Variants in CCDC110 observed in about 807,000 individuals in gnomAD.
CCDC110 encodes the protein coiled-coil domain-containing protein 110.
Under a neutral mutation model 77.1 loss-of-function variants are expected in CCDC110, and 70 were observed. That is an observed-to-expected ratio of 0.91 (90% confidence interval 0.75 to 1.11). The LOEUF (loss-of-function observed/expected upper bound fraction) is 1.11. Among genes scored for constraint, CCDC110 ranks in the 50% least tolerant of loss-of-function variants. The pLI is 0.00. For missense variants in CCDC110, 868 were observed against 942.9 expected (o/e 0.92, Z 1.04); for synonymous variants, 295 against 312.5 (o/e 0.94, Z 0.59).
intron 6 of CCDC110, chr4:185,449,826 A>G: frequency 4.6e-6 from 2 of 437,734 alleles, no homozygotes; most frequent in Non-Finnish European, 8.3e-6. Flanking sequence ...TTTGCTAATA[A>G]CACGTGGTTG....
chr4:185,458,992 A>T lies in CCDC110; in HGVS notation c.1595T>A (p.Leu532His). The T allele has an allele frequency of 6.2e-7, 1 of 1,602,478 alleles. No homozygotes were observed. The highest frequency in any genetic ancestry group is 8.5e-7 in the Non-Finnish European group (1 of 1,177,034). Residue 532 changes from leucine (L) to histidine (H), a missense_variant, in exon 6 of 7, where the codon CTT becomes CAT. Transcript: ENST00000307588. The stretch of plus-strand genomic sequence containing the variant: ...CATCATTTGTTGCTTCTCTAAAGAA[A>T]GTTGTATATTTTTTTCCTCTAGAGT... ...NKTLEEKNIQLSLEKQQMMEA... is the reference protein window; with the variant it reads ...NKTLEEKNIQHSLEKQQMMEA...
chr4:185,470,413 G>C (rs1375598287), intron 2 of CCDC110, among the ~76,000 whole-genome samples: 1 of 152,076 alleles, frequency 6.6e-6, no homozygotes, highest in Non-Finnish European at 1.5e-5. Context: ...CTGTTATACT[G>C]TTCAAAATTT....
intron 2 of CCDC110, among the ~76,000 whole-genome samples, chr4:185,469,443 A>G (rs2095661851): frequency 6.6e-6 from 1 of 152,040 alleles, no homozygotes; most frequent in South Asian, 2.1e-4. Flanking sequence ...AAATGTTGGC[A>G]TCTTTCTCCA....
intron 2 of CCDC110, among the ~76,000 whole-genome samples, chr4:185,467,406 C>T (rs551678644): frequency 6.6e-6 from 1 of 152,256 alleles, no homozygotes; most frequent in South Asian, 2.1e-4. Context: ...TTACGTGATT[C>T]TAGAATTGGA....
chr4:185,460,324 T>A, intron 5 of CCDC110, 86 bp from the exon 6 acceptor site: 1 of 945,880 alleles, frequency 1.1e-6, no homozygotes, highest in Non-Finnish European at 1.5e-6. Context: ...GAGGGTTTAT[T>A]TATGTACCCT....
chr4:185,452,174 T>A, intron 6 of CCDC110: 1 of 983,520 alleles, frequency 1.0e-6, no homozygotes, highest in African/African-American at 1.7e-5. Context: ...AACAGTTTTA[T>A]TCCTCAGACT....
At position 185,463,002 on chromosome 4, in the gene CCDC110, CT is replaced by C. The variant is rs2095649171; in HGVS notation, c.162del (p.Ala55HisfsTer2). 5 of 1,613,142 alleles carry C rather than the reference CT, an allele frequency of 3.1e-6. No homozygotes were observed. In the South Asian group the frequency reaches 4.4e-5, roughly 14 times the overall value. On this transcript the variant is annotated frameshift_variant, in exon 3 of 7. Transcript: ENST00000307588. LOFTEE classifies it high-confidence loss of function. ...ATGGAATATAGACTCACTTTCAATG[CT>C]GATTGTGGTTGGATTTGATTTTCTG... The part of the protein sequence containing the change: ...AESENQIQPQ[S>X]ALKVLQQQLE...
At chr4:185,453,813 ATTT>A (rs58603614) in intron 6 of CCDC110, among the ~76,000 whole-genome samples, 8 of 126,216 alleles carry the variant, frequency 6.3e-5, no homozygotes, top group Non-Finnish European at 6.7e-5. Flanking sequence ...TCTCGTTGCT[ATTT>A]TTTTTTTTTT....
At chr4:185,456,122 A>G (rs965066246) in intron 6 of CCDC110, among the ~76,000 whole-genome samples, 1 of 142,254 alleles carries the variant, frequency 7.0e-6, no homozygotes, top group East Asian at 2.1e-4. Flanking sequence ...TCTGGGCAAT[A>G]AAACAAGTCT....
intron 6 of CCDC110, among the ~76,000 whole-genome samples, chr4:185,446,042 T>G (rs974558524): frequency 5.9e-5 from 9 of 152,186 alleles, no homozygotes; most frequent in African/African-American, 2.2e-4. Flanking sequence ...AGTTTCTCCA[T>G]GTTGGTAAGG....
chr4:185,450,321 T>C (rs2095626961), intron 6 of CCDC110, among the ~76,000 whole-genome samples: 1 of 152,214 alleles, frequency 6.6e-6, no homozygotes. Context: ...GATAGATGGA[T>C]GAAGTCAGTC....
intron 6 of CCDC110, among the ~76,000 whole-genome samples, chr4:185,446,352 A>C (rs767436394): frequency 3.1e-4 from 47 of 152,240 alleles, no homozygotes; most frequent in Middle Eastern, 3.4e-3. Context: ...CTGTCTTAAA[A>C]CTTTGATAAT....
intron 2 of CCDC110, among the ~76,000 whole-genome samples, chr4:185,465,228 C>A (rs1232207994): frequency 6.6e-6 from 1 of 152,190 alleles, no homozygotes; most frequent in Non-Finnish European, 1.5e-5. Context: ...CTTCCCATAC[C>A]TACAGGAATA....
chr4:185,448,281 AAAGTGCTGGGATT>A (rs753356619), intron 6 of CCDC110, among the ~76,000 whole-genome samples: 361 of 152,262 alleles, frequency 2.4e-3, no homozygotes, highest in Admixed American at 4.4e-3. Flanking sequence ...TCAGCCTCCC[AAAGTGCTGGGATT>A]AAGTGCTGGG....
chr4:185,457,764 G>T, intron 6 of CCDC110: 1 of 1,413,402 alleles, frequency 7.1e-7, no homozygotes, highest in Non-Finnish European at 9.3e-7. Flanking sequence ...GATTTTAGCA[G>T]TTTATTTATA....
intron 6 of CCDC110, 50 bp from the exon 7 acceptor site, chr4:185,445,592 T>C: frequency 2.6e-6 from 3 of 1,156,878 alleles, no homozygotes; most frequent in Non-Finnish European, 3.8e-6. Context: ...AACATAACTA[T>C]AATGCTTTGA....
chr4:185,445,542 C>T lies in CCDC110; in HGVS notation c.2462G>A (p.Gly821Asp), dbSNP rs2095608171. 1 of 1,543,818 alleles carries T rather than the reference C, an allele frequency of 6.5e-7. No individual in the cohort carries two copies. ...AGTTCTGTCTTTAACTTTGAAATAA[C>T]CTATGAAAATAGAAAATATTCTGGT... is the stretch of plus-strand genomic sequence containing the variant. ...QSRPLASDLK[G>D]YFKVKDRTLK... The change falls in exon 7 of 7, where the codon GGT (glycine) becomes GAT (aspartate). Residue 821 changes from glycine (G) to aspartate (D), a missense_variant and splice_region_variant. Gly to Asp is a moderately conservative substitution (Grantham distance 94). Coordinates refer to ENST00000307588, the MANE Select transcript of CCDC110 (RefSeq NM_152775.4).
intron 6 of CCDC110, among the ~76,000 whole-genome samples, chr4:185,448,545 G>A (rs940517515): frequency 1.3e-5 from 2 of 152,192 alleles, no homozygotes; most frequent in Middle Eastern, 3.4e-3. Context: ...ACTGAACCAC[G>A]ATTCCCCTAG....
chr4:185,460,949 T>C, intron 5 of CCDC110, 100 bp downstream of exon 5: 1 of 457,462 alleles, frequency 2.2e-6, no homozygotes, highest in Non-Finnish European at 4.5e-6. Context: ...GATGGTCCAT[T>C]TTTCCTGTAA....
Sources: gnomAD v4.1 joint callset for allele counts (sites outside exome capture counted in the v4.1 genomes callset) on GRCh38, gnomAD v4.1.1 for gene constraint, MANE v1.5 for transcripts, NCBI Gene and HGNC (gene_info 2026-07-23, HGNC 2026-07-21) for gene names.